IPO7: variants seen among roughly 807,000 people sequenced by gnomAD.
The protein encoded by IPO7 is importin-7.
Under a neutral mutation model 136.4 loss-of-function variants are expected in IPO7, and 13 were observed. The observed-to-expected ratio is 0.10, with a 90% CI of 0.06 to 0.15. The LOEUF (loss-of-function observed/expected upper bound fraction) is 0.15. Ranked by LOEUF, IPO7 falls within the 10% of genes least tolerant of loss-of-function variation. IPO7 has a pLI of 1.00. For synonymous variants in IPO7, 403 were observed against 404.4 expected (o/e 1.00, Z 0.04); for missense variants, 857 against 1,240.6 (o/e 0.69, Z 4.65).
At chr11:9,384,919 C>T (rs955846792) in intron 1 of IPO7, 72 bp downstream of exon 1, 3 of 1,242,330 alleles carry the variant, frequency 2.4e-6, no homozygotes, top group African/African-American at 3.0e-5. Context: ...CCCCCGGGGC[C>T]TGGCCGGAGG....
chr11:9,423,756 T>C (rs756185290), intron 9 of IPO7, 21 bp from the exon 10 acceptor site: 1 of 1,465,998 alleles, frequency 6.8e-7, no homozygotes, highest in African/African-American at 1.4e-5. Context: ...GGTTATTGTT[T>C]TCTTAACTTT....
Position 9,437,885 on chromosome 11 carries a change from C to G in IPO7, c.2400C>G (p.Thr800=). Residue 800 remains threonine, a synonymous_variant, in exon 21 of 25, where the codon ACC becomes ACG. Coordinates refer to ENST00000379719, the MANE Select transcript of IPO7 (RefSeq NM_006391.3). ...LYYNPHLLLN[T]LENLRFPNNV... is the part of the protein sequence containing the mutation. ...ATAATCCACACCTACTACTCAATACCTTAGAAAATCTTCGCTTCCCTAATA... is the reference window on the plus strand; with the variant it reads ...ATAATCCACACCTACTACTCAATACGTTAGAAAATCTTCGCTTCCCTAATA... The G allele has an allele frequency of 6.2e-7, 1 of 1,613,644 alleles. No individual in the cohort carries two copies. Among genetic ancestry groups the G allele is most frequent in the Non-Finnish European group, 8.5e-7 (1 of 1,179,650 alleles).
chr11:9,402,324 C>T lies in IPO7; in HGVS notation c.85-966C>T, dbSNP rs182264022. Among the ~76,000 whole-genome samples the T allele has an allele frequency of 8.1e-5, 12 of 147,278 alleles. No individual in the cohort carries two copies. The East Asian group carries it at 2.5e-3, about 31-fold the overall frequency. On this transcript the variant is annotated intron_variant, in intron 1 of 24. Transcript: ENST00000379719. The stretch of plus-strand genomic sequence containing the variant: ...CTGAGGCAGAAGAATCGCTTGAACC[C>T]AGGAGGCAGAGGTTGCAGTGAGCCG...
chr11:9,424,560 A>G (rs141706073), intron 10 of IPO7, among the ~76,000 whole-genome samples: 319 of 152,288 alleles, frequency 2.1e-3, no homozygotes, highest in African/African-American at 7.5e-3. Context: ...CCTGACCAAT[A>G]TAGTGAAACC....
Position 9,429,668 on chromosome 11 carries a change from T to C in IPO7, c.1592-6T>C, listed in dbSNP as rs200512728. ...TTACGCAAGTTTTTTACTCTTTCTC[T>C]TACAGCTAAAGAATATATCACACCA... is the stretch of plus-strand genomic sequence containing the variant. On this transcript the variant is annotated splice_polypyrimidine_tract_variant and splice_region_variant and intron_variant, in intron 14 of 24. Coordinates refer to ENST00000379719, the MANE Select transcript of IPO7 (RefSeq NM_006391.3). The C allele has an allele frequency of 1.9e-6, 3 of 1,597,358 alleles. No homozygotes were observed. The highest frequency in any genetic ancestry group is 2.6e-6 in the Non-Finnish European group (3 of 1,175,958).
intron 4 of IPO7, among the ~76,000 whole-genome samples, chr11:9,411,929 T>C (rs186597440): frequency 6.6e-6 from 1 of 152,296 alleles, no homozygotes; most frequent in Non-Finnish European, 1.5e-5. Flanking sequence ...ATTTAAACTC[T>C]CTTAGGGTGG....
At chr11:9,385,412 C>T (rs1437916032) in intron 1 of IPO7, among the ~76,000 whole-genome samples, 1 of 152,170 alleles carries the variant, frequency 6.6e-6, no homozygotes, top group Non-Finnish European at 1.5e-5. Flanking sequence ...GCCCGCGCCT[C>T]CTTGGCAGGA....
In IPO7 at chr11:9,438,200, C is replaced by T. The variant is rs777023184; in HGVS notation, c.2610C>T (p.Asn870=). The T allele has an allele frequency of 9.3e-6, 15 of 1,612,910 alleles. No homozygotes were observed. Among genetic ancestry groups the T allele is most frequent in the East Asian group, 4.5e-5 (2 of 44,868 alleles). The change falls in exon 22 of 25, where the codon AAC becomes AAT. Residue 870 remains asparagine (N), a synonymous_variant. Transcript: ENST00000379719. ...QILPAFILLF[N]GLKRAYACHA... ...TGCCGGCTTTTATCCTTTTATTTAACGGATTGAAAAGAGCATATGCCTGCC... is the reference window on the plus strand; with the variant it reads ...TGCCGGCTTTTATCCTTTTATTTAATGGATTGAAAAGAGCATATGCCTGCC...
Position 9,445,497 on chromosome 11 carries a change from G to A in IPO7, c.*303G>A. The stretch of plus-strand genomic sequence containing the variant: ...GACACTGTGGAAATCTGAAACGAGG[G>A]GATGTCATGAAGGCAGCTTTTCTTT... On this transcript the variant is annotated 3_prime_UTR_variant, in exon 25 of 25. Coordinates refer to ENST00000379719, the MANE Select transcript of IPO7 (RefSeq NM_006391.3). The A allele has an allele frequency of 4.2e-6, 1 of 237,812 alleles. No homozygotes were observed. The highest frequency in any genetic ancestry group is 8.2e-6 in the Non-Finnish European group (1 of 121,996). The allele number at this position is 237,812 out of a possible 1,614,324, so 14.7% of individuals were successfully genotyped here.
chr11:9,417,360 A>T (rs1855055324), intron 6 of IPO7, among the ~76,000 whole-genome samples: 1 of 152,046 alleles, frequency 6.6e-6, no homozygotes, highest in Admixed American at 6.5e-5. Flanking sequence ...GTGTTTTTTT[A>T]AATATATTAT....
At chr11:9,408,772 C>A in intron 3 of IPO7, 133 bp downstream of exon 3, 1 of 531,100 alleles carries the variant, frequency 1.9e-6, no homozygotes, top group Non-Finnish European at 2.9e-6. Context: ...AGTGCAGTGG[C>A]ACGATCCTTG....
At chr11:9,394,317 C>T (rs191042238) in intron 1 of IPO7, among the ~76,000 whole-genome samples, 22 of 152,148 alleles carry the variant, frequency 1.4e-4, no homozygotes, top group South Asian at 2.1e-4. Flanking sequence ...TTGGGAAATT[C>T]GTTGATGTGA....
rs1232885270 is a variant in IPO7 at position 9,408,583 on chromosome 11, C to G, written c.264C>G (p.Arg88=). Residue 88 remains arginine (R), a synonymous_variant, in exon 3 of 25, where the codon CGC becomes CGG. Transcript: ENST00000379719. The stretch of plus-strand genomic sequence containing the variant: ...CTTATACTATTCCAGAAGAAGATCG[C>G]CATTGTATTCGAGAAAATATTGTAG... ...ISPYTIPEED[R]HCIRENIVEA... is the part of the protein sequence containing the mutation. 1 of 1,610,434 alleles carries G rather than the reference C, an allele frequency of 6.2e-7. No individual in the cohort carries two copies. The highest frequency in any genetic ancestry group is 1.7e-5 in the Admixed American group (1 of 59,524).
chr11:9,425,141 T>C lies in IPO7; in HGVS notation c.1219-5T>C. The C allele has an allele frequency of 1.3e-6, 2 of 1,568,574 alleles. No individual in the cohort carries two copies. Among genetic ancestry groups the C allele is most frequent in the South Asian group, 1.1e-5 (1 of 90,088 alleles). On this transcript the variant is annotated splice_polypyrimidine_tract_variant and splice_region_variant and intron_variant, in intron 11 of 24. Coordinates refer to ENST00000379719, the MANE Select transcript of IPO7 (RefSeq NM_006391.3). ...CAGTAACAATACTTTTCTCTTTTAA[T>C]CTAGGTACTGCAAAAGACTATGGGA...
At chr11:9,387,022 T>C (rs1356045674) in intron 1 of IPO7, among the ~76,000 whole-genome samples, 1 of 152,228 alleles carries the variant, frequency 6.6e-6, no homozygotes, top group African/African-American at 2.4e-5. Flanking sequence ...ATTTAAATAT[T>C]TTTTGCTTTG....
chr11:9,408,649 T>G lies in IPO7; in HGVS notation c.320+10T>G. On this transcript the variant is annotated intron_variant, in intron 3 of 24. Coordinates refer to ENST00000379719, the MANE Select transcript of IPO7 (RefSeq NM_006391.3). ...CTCCTGAGCTCATCAGGTATGTATT[T>G]TTAAAATTTACCCATTTCTGCAGGT... The G allele has an allele frequency of 6.5e-7, 1 of 1,542,038 alleles. No homozygotes were observed. The highest frequency in any genetic ancestry group is 8.7e-7 in the Non-Finnish European group (1 of 1,147,826).
intron 20 of IPO7, 22 bp downstream of exon 20, chr11:9,436,388 T>C: frequency 6.6e-7 from 1 of 1,523,532 alleles, no homozygotes; most frequent in Non-Finnish European, 9.1e-7. Context: ...TAATAATGAT[T>C]TGTAGTTCAG....
At chr11:9,429,915 G>C in intron 15 of IPO7, 81 bp downstream of exon 15, 1 of 1,038,524 alleles carries the variant, frequency 9.6e-7, no homozygotes, top group South Asian at 1.7e-5. Flanking sequence ...CCAGTGGCTT[G>C]CCTTACCTTA....
chr11:9,403,457 C>G (rs185995749), intron 2 of IPO7, 86 bp downstream of exon 2: 3 of 1,035,078 alleles, frequency 2.9e-6, no homozygotes, highest in East Asian at 2.5e-5. Flanking sequence ...TGGGATGGCC[C>G]TTTGGCAATT....
Sources: allele counts gnomAD v4.1 joint callset (sites outside exome capture counted in the v4.1 genomes callset), GRCh38; gene constraint gnomAD v4.1.1; transcripts MANE v1.5; gene names NCBI Gene and HGNC (gene_info 2026-07-23, HGNC 2026-07-21).